DENND1C: variants seen among roughly 807,000 people sequenced by gnomAD.
The protein encoded by DENND1C is DENN domain containing 1C.
DENND1C carries 64 observed loss-of-function variants against 87.9 expected under a neutral mutation model. The observed-to-expected ratio is 0.73, with a 90% confidence interval of 0.60 to 0.90. DENND1C has a LOEUF of 0.90. DENND1C is among the 40% of genes least tolerant of loss of function. The pLI, the probability that DENND1C is intolerant of heterozygous loss-of-function variation, is 0.00. For missense variants in DENND1C, 980 were observed against 1,037.0 expected (o/e 0.95, Z 0.76); for synonymous variants, 384 against 424.4 (o/e 0.90, Z 1.17).
Position 6,476,899 on chromosome 19 carries a change from C to T in DENND1C, c.636G>A (p.Leu212=). The part of the protein sequence containing the change: ...ENIVGLFAAL[L]AERRVLLTAS... ...CGGTGAGCAGGACTCTTCTCTCGGC[C>T]AGGAGCGCCGCGAACAGCCCCACGA... Residue 212 remains leucine, a synonymous_variant, in exon 10 of 23, where the codon CTG becomes CTA. Transcript: ENST00000381480. 6.2e-7 allele frequency: 1 copy of T among 1,613,328 alleles called. No individual in the cohort carries two copies. The highest frequency in any genetic ancestry group is 8.5e-7 in the Non-Finnish European group (1 of 1,179,788).
Position 6,478,857 on chromosome 19 carries a change from G to A in DENND1C, c.297-5C>T. The A allele has an allele frequency of 6.2e-7, 1 of 1,613,826 alleles. No homozygotes were observed. The highest frequency in any genetic ancestry group is 8.5e-7 in the Non-Finnish European group (1 of 1,179,808). On this transcript the variant is annotated splice_polypyrimidine_tract_variant and splice_region_variant and intron_variant, in intron 5 of 22. Transcript: ENST00000381480. ...ACCTCGAACCAAGGCAGGTGGCTGT[G>A]GAGAGAGGAGACAGGTTCCACGAAG...
At position 6,478,808 on chromosome 19, in the gene DENND1C, A is replaced by C; in HGVS notation, c.341T>G (p.Val114Gly). Residue 114 changes from valine to glycine, a missense_variant, in exon 6 of 23, where the codon GTG (valine) becomes GGG (glycine). Coordinates refer to ENST00000381480, the MANE Select transcript of DENND1C (RefSeq NM_024898.4). ...TTGGTCCTGGGCTAGGAGGTCTCCC[A>C]CTGTGTTCAATAGCTTGTAAAACAC... ...FEVFYKLLNT[V>G]GDLLAQDQVT... is the part of the protein sequence containing the mutation. 6.2e-7 allele frequency: 1 copy of C among 1,613,370 alleles called. No homozygotes were observed.
chr19:6,472,920 C>T lies in DENND1C; in HGVS notation c.1127G>A (p.Arg376Gln), dbSNP rs763098051. The change falls in exon 15 of 23, where the codon CGG becomes CAG. Residue 376 changes from arginine to glutamine, a missense_variant. Transcript: ENST00000381480. Reference sequence around the variant, plus strand: ...GAACAGCTGCAGGTGCACAGCCCGCCGGTGGAAGGCCTGCAGAGGTGCCCC... The same window carrying T: ...GAACAGCTGCAGGTGCACAGCCCGCTGGTGGAAGGCCTGCAGAGGTGCCCC... The part of the protein sequence containing the change: ...KPGAPLQAFH[R>Q]RAVHLQLFKQ... 2.3e-5 allele frequency: 36 copies of T among 1,590,680 alleles called. 1 individual carries two copies. In the Admixed American group the frequency reaches 3.2e-4, roughly 14 times the overall value.
chr19:6,475,820 C>T lies in DENND1C; in HGVS notation c.779+17G>A, dbSNP rs369913592. The T allele has an allele frequency of 8.5e-6, 13 of 1,521,272 alleles. No individual in the cohort carries two copies. The African/African-American group carries it at 1.7e-4, about 20-fold the overall frequency. 94.2% of individuals were successfully genotyped at this position (1,521,272 alleles called of 1,614,324 possible). On this transcript the variant is annotated intron_variant, in intron 11 of 22. Transcript: ENST00000381480. ...GCCTGCCCACAGGCCCTGCCCCTCCCAGCTGCCCTCGCTCACCAGCAGTAG... is the reference window on the plus strand; with the variant it reads ...GCCTGCCCACAGGCCCTGCCCCTCCTAGCTGCCCTCGCTCACCAGCAGTAG...
At chr19:6,469,019 T>G in intron 19 of DENND1C, 66 bp from the exon 20 acceptor site, 1 of 966,400 alleles carries the variant, frequency 1.0e-6, no homozygotes, top group Non-Finnish European at 1.4e-6. Flanking sequence ...CTACCATTGG[T>G]CTTTAGTTAG....
At chr19:6,473,816 G>GGGGGGGGGGGGGGGGGCAA (rs1231177042) in intron 14 of DENND1C, among the ~76,000 whole-genome samples, 1 of 131,690 alleles carries the variant, frequency 7.6e-6, no homozygotes. Context: ...GGGGGGTGGG[G>GGGGGGGGGGGGGGGGGCAA]GGAGGGAAAT....
At chr19:6,472,439 G>A (rs2092834905) in intron 15 of DENND1C, among the ~76,000 whole-genome samples, 1 of 152,174 alleles carries the variant, frequency 6.6e-6, no homozygotes, top group African/African-American at 2.4e-5. Flanking sequence ...TATCCAGGCT[G>A]GAGTGCAGTG....
chr19:6,477,369 G>A lies in DENND1C; in HGVS notation c.447+9C>T, dbSNP rs1294928304. 3.1e-6 allele frequency: 5 copies of A among 1,613,444 alleles called. No individual in the cohort carries two copies. Among genetic ancestry groups the A allele is most frequent in the Non-Finnish European group, 4.2e-6 (5 of 1,179,718 alleles). On this transcript the variant is annotated intron_variant, in intron 7 of 22. Coordinates refer to ENST00000381480, the MANE Select transcript of DENND1C (RefSeq NM_024898.4). ...AAGGTCCAGCGCCCAGGGAATGGGA[G>A]CTACTCACCAGCTCAAGCCCCACTG...
Position 6,476,573 on chromosome 19 carries a change from C to A in DENND1C, c.678+284G>T, listed in dbSNP as rs550228639. Reference sequence around the variant, plus strand: ...TTCCCACGTGTATAAGTCCCTAGTTCTCAGTGTCCCTGAGGGTCCGGAGGG... The same window carrying A: ...TTCCCACGTGTATAAGTCCCTAGTTATCAGTGTCCCTGAGGGTCCGGAGGG... On this transcript the variant is annotated intron_variant, in intron 10 of 22. Transcript: ENST00000381480. 71 of 382,952 alleles carry A rather than the reference C, an allele frequency of 1.9e-4. 2 individuals carry two copies. The South Asian group carries it at 2.8e-3, about 15-fold the overall frequency. The allele number at this position is 382,952 out of a possible 1,614,324, so 23.7% of individuals were successfully genotyped here. A position where few individuals can be genotyped will look rare whatever the true frequency, so the allele number is the denominator to read the frequency against.
rs372707256 is a variant in DENND1C at position 6,478,952 on chromosome 19, C to G, written c.281G>C (p.Cys94Ser). The change falls in exon 5 of 23, where the codon TGT becomes TCT. Residue 94 changes from cysteine to serine, a missense_variant. Coordinates refer to ENST00000381480, the MANE Select transcript of DENND1C (RefSeq NM_024898.4). ...TATCCCGCACCTGAGGATGCAGAGACAGCTCTGGGTACCCGCCCGCAGGCG... is the reference window on the plus strand; with the variant it reads ...TATCCCGCACCTGAGGATGCAGAGAGAGCTCTGGGTACCCGCCCGCAGGCG... ...FCRLRAGTQSCLCILSHLPWF... is the reference protein window; with the variant it reads ...FCRLRAGTQSSLCILSHLPWF... 9.9e-6 allele frequency: 16 copies of G among 1,613,844 alleles called. No individual in the cohort carries two copies. The highest frequency in any genetic ancestry group is 1.3e-5 in the African/African-American group (1 of 74,922).
chr19:6,473,816 G>GGGGGGGGGGGGGGGGGA (rs1231177042), intron 14 of DENND1C, among the ~76,000 whole-genome samples: 117 of 131,480 alleles, frequency 8.9e-4, no homozygotes, highest in Non-Finnish European at 1.2e-3. Context: ...GGGGGGTGGG[G>GGGGGGGGGGGGGGGGGA]GGAGGGAAAT....
chr19:6,477,221 C>T lies in DENND1C; in HGVS notation c.510G>A (p.Lys170=). The change falls in exon 8 of 23, where the codon AAG becomes AAA. Residue 170 remains lysine, a synonymous_variant. Coordinates refer to ENST00000381480, the MANE Select transcript of DENND1C (RefSeq NM_024898.4). ...AGGGTCCCCGAGCCCCGCTCACCGG[C>T]TTGCTATTCCCCCGGGTAGGGGGGG... The part of the protein sequence containing the change: ...GIPPPTRGNS[K]PLSCFVAPDS... 2.5e-6 allele frequency: 4 copies of T among 1,585,808 alleles called. No individual in the cohort carries two copies. The highest frequency in any genetic ancestry group is 3.4e-6 in the Non-Finnish European group (4 of 1,165,994).
At chr19:6,471,378 G>A (rs746068147) in intron 16 of DENND1C, 28 bp downstream of exon 16, 2 of 1,583,382 alleles carry the variant, frequency 1.3e-6, no homozygotes, top group South Asian at 2.3e-5. Context: ...GGGTAGTGGG[G>A]GACCCAGGGG....
At position 6,467,509 on chromosome 19, in the gene DENND1C, C is replaced by G. The variant is rs2034185268; in HGVS notation, c.2401G>C (p.Gly801Arg). 4 of 1,594,692 alleles carry G rather than the reference C, an allele frequency of 2.5e-6. No individual in the cohort carries two copies. In the African/African-American group the frequency reaches 5.4e-5, roughly 22 times the overall value. ...CTCTCTTGGACCCCTGATTCTTAAC[C>G]CTCAAAGCACTTCTTAAGATCAGCG... is the stretch of plus-strand genomic sequence containing the variant. ...RVADLKKCFE[G>R] The change falls in exon 23 of 23, where the codon GGT becomes CGT. Residue 801 changes from glycine to arginine, a missense_variant. Physicochemically the swap from Gly to Arg is moderately radical, Grantham distance 125. Coordinates refer to ENST00000381480, the MANE Select transcript of DENND1C (RefSeq NM_024898.4).
At chr19:6,476,088 T>G in intron 10 of DENND1C, 151 bp from the exon 11 acceptor site, 2 of 743,996 alleles carry the variant, frequency 2.7e-6, no homozygotes, top group Non-Finnish European at 4.2e-6. Flanking sequence ...TTAGAAATCA[T>G]GTGGAGACCA....
chr19:6,469,474 A>G (rs2092815799), intron 19 of DENND1C, 122 bp downstream of exon 19: 2 of 906,812 alleles, frequency 2.2e-6, no homozygotes, highest in Admixed American at 4.2e-5. Flanking sequence ...TGTAGAGACA[A>G]GGCCCCACTA....
intron 14 of DENND1C, 38 bp from the exon 15 acceptor site, chr19:6,473,031 C>T: frequency 7.1e-7 from 1 of 1,402,198 alleles, no homozygotes; most frequent in Non-Finnish European, 9.4e-7. Context: ...CCCTGGGGTG[C>T]TCCTGGCCCT....
chr19:6,469,184 A>G (rs1479275307), intron 19 of DENND1C, among the ~76,000 whole-genome samples: 1 of 152,158 alleles, frequency 6.6e-6, no homozygotes, highest in African/African-American at 2.4e-5. Context: ...GGCGTGCGCC[A>G]CCATACCCAG....
intron 2 of DENND1C, 38 bp from the exon 3 acceptor site, chr19:6,479,940 G>C (rs1289726281): frequency 1.3e-6 from 2 of 1,594,928 alleles, no homozygotes; most frequent in Admixed American, 3.5e-5. Context: ...CAGCGACCCA[G>C]GCCCACCCTC....
Sources: gnomAD v4.1 joint callset for allele counts (sites outside exome capture counted in the v4.1 genomes callset) on GRCh38, gnomAD v4.1.1 for gene constraint, MANE v1.5 for transcripts, NCBI Gene and HGNC (gene_info 2026-07-23, HGNC 2026-07-21) for gene names.